MS4A18: variants seen among roughly 807,000 people sequenced by gnomAD.
The protein encoded by MS4A18 is membrane spanning 4-domains A18.
MS4A18 carries 27 observed loss-of-function variants against 13.1 expected under a neutral mutation model. The ratio of observed to expected loss-of-function variants is 2.06; its 90% CI spans 1.52 to 2.84. The LOEUF (loss-of-function observed/expected upper bound fraction) is 2.84. Ranked by LOEUF, MS4A18 falls within the 30% of genes most tolerant of loss-of-function variation. MS4A18 has a pLI of 0.00. For synonymous variants in MS4A18, 126 were observed against 76.5 expected (o/e 1.65, Z -3.38); for missense variants, 307 against 196.4 (o/e 1.56, Z -3.37).
At chr11:60,744,189 TC>T (rs1456875220) in exon 6 of MS4A18, 1 of 573,724 alleles carries the variant, frequency 1.7e-6, no homozygotes, top group African/African-American at 1.9e-5. Flanking sequence ...GTCTTTTTTT[TC>T]ATTCATAAAT....
intron 2 of MS4A18, among the ~76,000 whole-genome samples, chr11:60,736,656 C>T (rs988450175): frequency 1.3e-5 from 2 of 152,094 alleles, no homozygotes; most frequent in Non-Finnish European, 2.9e-5. Context: ...GATGATATGT[C>T]CAGACAGTGG....
At position 60,731,989 on chromosome 11, in the gene MS4A18, T is replaced by C. The variant is rs573777613; in HGVS notation, c.478-1545T>C. 2.0e-5 allele frequency among the ~76,000 whole-genome samples: 3 copies of C among 152,222 alleles called. No homozygotes were observed. The South Asian group carries it at 6.2e-4, about 32-fold the overall frequency. ...GTGGGCCTGTAGACAGAGTCAAGCA[T>C]GTCGCCTTAGGAAGGGATGTTCATG... is the stretch of plus-strand genomic sequence containing the variant. On this transcript the variant is annotated intron_variant, in intron 1 of 5. Transcript: ENST00000529108.
chr11:60,738,394 C>T (rs1478271951), intron 3 of MS4A18, among the ~76,000 whole-genome samples: 1 of 152,228 alleles, frequency 6.6e-6, no homozygotes, highest in South Asian at 2.1e-4. Context: ...TCCCTCAATT[C>T]AAGCTTGGGA....
upstream of MS4A18, among the ~76,000 whole-genome samples, chr11:60,728,404 ATGTG>A (rs150038728): frequency 8.2e-3 from 1,185 of 144,302 alleles, 19 homozygotes; most frequent in African/African-American, 0.025. Flanking sequence ...GTGTGTATGT[ATGTG>A]TGTGTGTGTG....
At chr11:60,737,090 C>A in intron 3 of MS4A18, 56 bp downstream of exon 4, 2 of 697,392 alleles carry the variant, frequency 2.9e-6, no homozygotes, top group Admixed American at 2.1e-5. Context: ...GACTCTCTAC[C>A]AAACATGAAA....
At chr11:60,743,510 AG>A in intron 5 of MS4A18, 139 bp from the exon 7 acceptor site, 1 of 619,630 alleles carries the variant, frequency 1.6e-6, no homozygotes, top group Non-Finnish European at 2.9e-6. Context: ...CCTTGGCCAA[AG>A]AAAGTCACAT....
intron 3 of MS4A18, among the ~76,000 whole-genome samples, chr11:60,737,809 G>T (rs927199916): frequency 6.6e-6 from 1 of 152,156 alleles, no homozygotes; most frequent in Non-Finnish European, 1.5e-5. Flanking sequence ...TCAGCTAGGG[G>T]CTGGGTGTCT....
chr11:60,729,314 C>A (rs779352723), exon 1 of MS4A18: 1 of 701,366 alleles, frequency 1.4e-6, no homozygotes, highest in Non-Finnish European at 2.6e-6. Flanking sequence ...CAGTTGTACA[C>A]CATGACCGAA....
At chr11:60,735,425 C>G (rs1159513559) in intron 2 of MS4A18, among the ~76,000 whole-genome samples, 1 of 150,882 alleles carries the variant, frequency 6.6e-6, no homozygotes, top group Non-Finnish European at 1.5e-5. Context: ...GCTCCGCCTC[C>G]CGGGTTCACG....
At chr11:60,740,919 C>G (rs879542659) in intron 4 of MS4A18, 111 bp from the exon 6 acceptor site, 5 of 679,430 alleles carry the variant, frequency 7.4e-6, no homozygotes, top group Non-Finnish European at 1.3e-5. Flanking sequence ...GGGCCACATG[C>G]AGAGAGGGTC....
chr11:60,726,955 T>C (rs1219336583), upstream of MS4A18, among the ~76,000 whole-genome samples: 1 of 151,412 alleles, frequency 6.6e-6, no homozygotes, highest in Non-Finnish European at 1.5e-5. Context: ...CAGGCCCCAG[T>C]GTGTAATGTT....
chr11:60,726,906 T>C (rs1251144674), upstream of MS4A18, among the ~76,000 whole-genome samples: 1 of 151,942 alleles, frequency 6.6e-6, no homozygotes, highest in Non-Finnish European at 1.5e-5. Context: ...TAGGTATTTG[T>C]CCTAATGCTC....
chr11:60,736,871 G>T, intron 2 of MS4A18, 107 bp from the exon 4 acceptor site: 2 of 645,394 alleles, frequency 3.1e-6, no homozygotes, highest in Non-Finnish European at 5.5e-6. Flanking sequence ...TGTGAAACAA[G>T]GTGCATAGAA....
upstream of MS4A18, among the ~76,000 whole-genome samples, chr11:60,724,985 G>A (rs918829797): frequency 6.6e-6 from 1 of 152,188 alleles, no homozygotes; most frequent in African/African-American, 2.4e-5. Flanking sequence ...GGGAGGCTGG[G>A]AAGTAACTGA....
At chr11:60,728,513 ATG>A (rs147898510), upstream of MS4A18, among the ~76,000 whole-genome samples, 34 of 113,838 alleles carry the variant, frequency 3.0e-4, no homozygotes, top group East Asian at 2.3e-3. Context: ...GTGTGTGTGT[ATG>A]TGTGTGTGTG....
upstream of MS4A18, among the ~76,000 whole-genome samples, chr11:60,728,330 C>A (rs1853194417): frequency 6.6e-6 from 1 of 152,072 alleles, no homozygotes; most frequent in Non-Finnish European, 1.5e-5. Context: ...ACAGCTGGGG[C>A]AAATGAGAAC....
chr11:60,742,718 T>A (rs1201022623), intron 5 of MS4A18, among the ~76,000 whole-genome samples: 2 of 152,220 alleles, frequency 1.3e-5, no homozygotes, highest in Non-Finnish European at 2.9e-5. Flanking sequence ...TTAGAGACAA[T>A]CTTGTTTTCT....
chr11:60,736,068 T>A (rs1243048065), intron 2 of MS4A18, among the ~76,000 whole-genome samples: 2 of 152,150 alleles, frequency 1.3e-5, no homozygotes, highest in Non-Finnish European at 2.9e-5. Context: ...AATCCTGTAT[T>A]TGCATGCAGC....
intron 2 of MS4A18, 132 bp downstream of exon 3, chr11:60,733,779 A>T: frequency 1.5e-6 from 1 of 663,390 alleles, no homozygotes. Flanking sequence ...TCCAACTTGC[A>T]GATACAGCAA....
Sources: allele counts gnomAD v4.1 joint callset (sites outside exome capture counted in the v4.1 genomes callset), GRCh38; gene constraint gnomAD v4.1.1; transcripts MANE v1.5; gene names NCBI Gene and HGNC (gene_info 2026-07-23, HGNC 2026-07-21).